Variants in CNTNAP2 observed in about 807,000 individuals in gnomAD.
CNTNAP2 encodes the protein contactin associated protein 2, also known as contactin-associated protein-like 2.
A neutral mutation model predicts 155.2 loss-of-function variants in CNTNAP2; 98 were observed. That is an observed-to-expected ratio of 0.63 (90% CI 0.54 to 0.75). The LOEUF (loss-of-function observed/expected upper bound fraction) is 0.75. CNTNAP2 is among the 30% of genes least tolerant of loss of function. The pLI is 0.00. For synonymous variants in CNTNAP2, 651 were observed against 631.2 expected, an observed-to-expected ratio of 1.03 and a Z score of -0.47; for missense variants, 1,727 against 1,688.1, an observed-to-expected ratio of 1.02 and a Z score of -0.40.
chr7:147,762,009 A>G (rs1176759179), intron 13 of CNTNAP2, among the ~76,000 whole-genome samples: 1 of 152,188 alleles, frequency 6.6e-6, no homozygotes, highest in African/African-American at 2.4e-5. Flanking sequence ...ACTCCATGAG[A>G]GACACAGGGA....
At chr7:148,234,111 T>C (rs1796009587) in intron 20 of CNTNAP2, among the ~76,000 whole-genome samples, 1 of 152,236 alleles carries the variant, frequency 6.6e-6, no homozygotes, top group Admixed American at 6.5e-5. Context: ...GGTAGTTCTT[T>C]ATAGCAGTGC....
chr7:147,515,427 A>G (rs1799106269), intron 11 of CNTNAP2, among the ~76,000 whole-genome samples: 1 of 148,944 alleles, frequency 6.7e-6, no homozygotes, highest in Non-Finnish European at 1.5e-5. Flanking sequence ...GGTTCAAGCG[A>G]TCCTCCTGCC....
intron 3 of CNTNAP2, among the ~76,000 whole-genome samples, chr7:146,926,500 G>A (rs892482223): frequency 1.3e-5 from 2 of 152,056 alleles, no homozygotes. Context: ...CACTTATCGT[G>A]ATGCCTGACA....
chr7:147,937,094 C>T (rs1265612698), intron 14 of CNTNAP2, among the ~76,000 whole-genome samples: 1 of 151,898 alleles, frequency 6.6e-6, no homozygotes, highest in Non-Finnish European at 1.5e-5. Flanking sequence ...GATGGTGCTC[C>T]GGGACTTTAT....
intron 2 of CNTNAP2, among the ~76,000 whole-genome samples, chr7:146,834,322 T>C (rs1021657872): frequency 5.3e-5 from 8 of 152,216 alleles, no homozygotes; most frequent in African/African-American, 1.7e-4. Context: ...ATTATTCAGA[T>C]TCTCTATTGT....
At chr7:146,235,995 A>C (rs1799468274) in intron 1 of CNTNAP2, among the ~76,000 whole-genome samples, 1 of 151,242 alleles carries the variant, frequency 6.6e-6, no homozygotes, top group Non-Finnish European at 1.5e-5. Context: ...CGTATTTGTA[A>C]AATGCCATTA....
At chr7:148,185,041 A>G (rs1402724965) in intron 18 of CNTNAP2, among the ~76,000 whole-genome samples, 1 of 152,244 alleles carries the variant, frequency 6.6e-6, no homozygotes, top group Admixed American at 6.5e-5. Flanking sequence ...CCTAGACAGA[A>G]CTTTTCTATC....
chr7:147,324,932 C>T (rs1056263525), intron 9 of CNTNAP2, among the ~76,000 whole-genome samples: 2 of 152,056 alleles, frequency 1.3e-5, no homozygotes, highest in Non-Finnish European at 2.9e-5. Context: ...TCACTGCATG[C>T]CTGTAGGTAA....
intron 14 of CNTNAP2, among the ~76,000 whole-genome samples, chr7:147,906,151 C>G (rs1035682702): frequency 5.3e-5 from 8 of 152,052 alleles, no homozygotes; most frequent in African/African-American, 1.7e-4. Flanking sequence ...ACATCTGTGT[C>G]TAAACCCTGA....
chr7:146,942,940 A>G (rs1797085720), intron 3 of CNTNAP2, among the ~76,000 whole-genome samples: 1 of 152,204 alleles, frequency 6.6e-6, no homozygotes, highest in African/African-American at 2.4e-5. Context: ...CTATTACAAC[A>G]TAATTTATCA....
chr7:146,178,612 T>G (rs1039790649), intron 1 of CNTNAP2, among the ~76,000 whole-genome samples: 1 of 152,174 alleles, frequency 6.6e-6, no homozygotes, highest in African/African-American at 2.4e-5. Flanking sequence ...TTCTGTGTGA[T>G]TAACATTTTA....
At chr7:148,120,511 C>T (rs1225151181) in intron 16 of CNTNAP2, among the ~76,000 whole-genome samples, 1 of 152,054 alleles carries the variant, frequency 6.6e-6, no homozygotes, top group East Asian at 1.9e-4. Flanking sequence ...AGGCAGTGTG[C>T]CTGCCTTGAC....
intron 1 of CNTNAP2, among the ~76,000 whole-genome samples, chr7:146,711,519 G>A (rs538064090): frequency 6.7e-6 from 1 of 148,830 alleles, no homozygotes; most frequent in Non-Finnish European, 1.5e-5. Context: ...GCCTGGAACA[G>A]CTTAGACATA....
At chr7:147,860,306 T>A (rs182246603) in intron 13 of CNTNAP2, among the ~76,000 whole-genome samples, 59 of 152,072 alleles carry the variant, frequency 3.9e-4, no homozygotes, top group Non-Finnish European at 3.7e-4. Context: ...GCGCCTGTAA[T>A]CCCAGTGTTC....
intron 8 of CNTNAP2, among the ~76,000 whole-genome samples, chr7:147,262,869 A>G (rs1804523072): frequency 1.3e-5 from 2 of 152,144 alleles, no homozygotes; most frequent in African/African-American, 4.8e-5. Context: ...GAAGAACCCA[A>G]ATGTACTGAC....
chr7:147,324,328 T>C lies in CNTNAP2; in HGVS notation c.1498+24038T>C, dbSNP rs537373968. On this transcript the variant is annotated intron_variant, in intron 9 of 23. Transcript: ENST00000361727. ...GGATAATTAACCATATTTTAAAAACTATTAGAAATGTTTATATTATTGTGT... is the reference window on the plus strand; with the variant it reads ...GGATAATTAACCATATTTTAAAAACCATTAGAAATGTTTATATTATTGTGT... 2.0e-5 allele frequency among the ~76,000 whole-genome samples: 3 copies of C among 152,352 alleles called. No homozygotes were observed. The South Asian group carries it at 6.2e-4, about 32-fold the overall frequency.
chr7:146,578,980 A>G (rs1306894999), intron 1 of CNTNAP2, among the ~76,000 whole-genome samples: 2 of 152,136 alleles, frequency 1.3e-5, no homozygotes, highest in African/African-American at 2.4e-5. Flanking sequence ...CAGATGGGCA[A>G]TTCCTTGAGA....
At chr7:146,602,904 GA>G (rs1362782374) in intron 1 of CNTNAP2, among the ~76,000 whole-genome samples, 1 of 143,682 alleles carries the variant, frequency 7.0e-6, no homozygotes, top group Non-Finnish European at 1.5e-5. Context: ...GGTCTCTTAG[GA>G]ATCCATGTTC....
intron 4 of CNTNAP2, among the ~76,000 whole-genome samples, chr7:147,074,348 A>G (rs1301818150): frequency 9.2e-5 from 14 of 152,084 alleles, no homozygotes; most frequent in Admixed American, 9.2e-4. Context: ...TCATTTAGCT[A>G]TGATAAATAT....
Sources: gnomAD v4.1 joint callset for allele counts (sites outside exome capture counted in the v4.1 genomes callset) on GRCh38, gnomAD v4.1.1 for gene constraint, MANE v1.5 for transcripts, NCBI Gene and HGNC (gene_info 2026-07-23, HGNC 2026-07-21) for gene names.